The following PPA1 variants were observed in gnomAD, a reference collection of about 807,000 sequenced individuals.
The protein encoded by PPA1 is inorganic pyrophosphatase 1, also known as inorganic pyrophosphatase.
In PPA1, 23 loss-of-function variants were observed where a neutral mutation model predicts 41.8. The ratio of observed to expected loss-of-function variants is 0.55; its 90% confidence interval spans 0.40 to 0.78. PPA1 has a LOEUF of 0.78. PPA1 is among the 30% of genes least tolerant of loss of function. The pLI is 0.00. For missense variants in PPA1, 320 were observed against 361.6 expected (o/e 0.89, Z 0.93); for synonymous variants, 101 against 116.8 (o/e 0.86, Z 0.87).
intron 8 of PPA1, among the ~76,000 whole-genome samples, chr10:70,208,401 C>A (rs1231592947): frequency 6.6e-6 from 1 of 151,778 alleles, no homozygotes; most frequent in African/African-American, 2.4e-5. Context: ...TGCAGTGGGG[C>A]AATCACAGCT....
intron 4 of PPA1, 105 bp from the exon 5 acceptor site, chr10:70,214,691 ATTGT>A (rs1840059521): frequency 1.0e-5 from 9 of 865,280 alleles, no homozygotes; most frequent in South Asian, 1.9e-5. Context: ...CTTTTTTCTC[ATTGT>A]TTTAGTTCTT....
chr10:70,204,815 A>G (rs1839919096), intron 10 of PPA1, 58 bp downstream of exon 10: 6 of 1,340,702 alleles, frequency 4.5e-6, no homozygotes, highest in Non-Finnish European at 6.2e-6. Context: ...TAAAAGTAAC[A>G]TAATTTTTCC....
At chr10:70,209,064 A>C in intron 8 of PPA1, 141 bp downstream of exon 8, 1 of 552,268 alleles carries the variant, frequency 1.8e-6, no homozygotes, top group Non-Finnish European at 3.1e-6. Context: ...AAAGTGCTGG[A>C]ATGACAGGTG....
chr10:70,212,700 G>A (rs1238133412), intron 6 of PPA1, among the ~76,000 whole-genome samples: 1 of 152,086 alleles, frequency 6.6e-6, no homozygotes, highest in Non-Finnish European at 1.5e-5. Context: ...TGGAGAGGAG[G>A]AGGGAATAGG....
rs908305192 is a variant in PPA1 at position 70,233,392 on chromosome 10, A to G, written c.-65T>C. 10 of 1,520,488 alleles carry G rather than the reference A, an allele frequency of 6.6e-6. No individual in the cohort carries two copies. Among genetic ancestry groups the G allele is most frequent in the African/African-American group, 2.8e-5 (2 of 70,596 alleles). The allele number at this position is 1,520,488 out of a possible 1,614,324, so 94.2% of individuals were successfully genotyped here. A position where few individuals can be genotyped will look rare whatever the true frequency, so the allele number is the denominator to read the frequency against. On this transcript the variant is annotated 5_prime_UTR_variant, in exon 1 of 11. Coordinates refer to ENST00000373232, the MANE Select transcript of PPA1 (RefSeq NM_021129.4). The stretch of plus-strand genomic sequence containing the variant: ...CAGCCCGCACGCGGCGCCGACTGAC[A>G]AGGAGAGAGCCCCACGCCTGCGCAC...
intron 2 of PPA1, among the ~76,000 whole-genome samples, chr10:70,225,766 T>C (rs1265510898): frequency 2.6e-5 from 4 of 152,020 alleles, no homozygotes; most frequent in Non-Finnish European, 5.9e-5. Context: ...CGAAAAGGTA[T>C]ACCAGATTTC....
chr10:70,220,777 T>TTTTTATATATATA (rs1840142788), intron 2 of PPA1, among the ~76,000 whole-genome samples: 1 of 30,532 alleles, frequency 3.3e-5, no homozygotes, highest in Non-Finnish European at 5.0e-5. Context: ...ATATATATAA[T>TTTTTATATATATA]ATATATAATT....
chr10:70,220,837 TTA>T (rs1287113475), intron 2 of PPA1, among the ~76,000 whole-genome samples: 3 of 50,112 alleles, frequency 6.0e-5, no homozygotes, highest in Non-Finnish European at 9.8e-5. Flanking sequence ...TATATAATTT[TTA>T]TATATATTAT....
intron 2 of PPA1, among the ~76,000 whole-genome samples, chr10:70,220,177 G>A (rs932482899): frequency 1.3e-5 from 2 of 151,180 alleles, no homozygotes; most frequent in Non-Finnish European, 2.9e-5. Flanking sequence ...TGATCCACCC[G>A]CCTCAGCCTC....
chr10:70,206,306 G>A lies in PPA1; in HGVS notation c.753C>T (p.Pro251=), dbSNP rs368512695. The A allele has an allele frequency of 5.1e-5, 82 of 1,613,030 alleles. No homozygotes were observed. The highest frequency in any genetic ancestry group is 6.9e-5 in the Non-Finnish European group (81 of 1,179,312). The change falls in exon 9 of 11, where the codon CCC becomes CCT. Residue 251 remains proline (P), a synonymous_variant. Coordinates refer to ENST00000373232, the MANE Select transcript of PPA1 (RefSeq NM_021129.4). ...SCMNTTLSES[P]FKCDPDAARA... is the part of the protein sequence containing the mutation. ...TGGCAGCATCAGGATCACACTTGAA[G>A]GGGCTCTCAGACAAAGTTGTATTCA... is the stretch of plus-strand genomic sequence containing the variant.
At position 70,233,368 on chromosome 10, in the gene PPA1, A is replaced by G. The variant is rs1418695504; in HGVS notation, c.-41T>C. Reference sequence around the variant, plus strand: ...CCGCCGCCGCTGCCACAGAGCCACCAGCCCGCACGCGGCGCCGACTGACAA... The same window carrying G: ...CCGCCGCCGCTGCCACAGAGCCACCGGCCCGCACGCGGCGCCGACTGACAA... On this transcript the variant is annotated 5_prime_UTR_variant, in exon 1 of 11. Coordinates refer to ENST00000373232, the MANE Select transcript of PPA1 (RefSeq NM_021129.4). 1.4e-5 allele frequency: 22 copies of G among 1,528,438 alleles called. No individual in the cohort carries two copies. Among genetic ancestry groups the G allele is most frequent in the Non-Finnish European group, 1.8e-5 (20 of 1,140,828 alleles). 94.7% of individuals were successfully genotyped at this position (1,528,438 alleles called of 1,614,324 possible).
At chr10:70,227,281 G>A (rs1285505501) in intron 2 of PPA1, among the ~76,000 whole-genome samples, 5 of 152,182 alleles carry the variant, frequency 3.3e-5, no homozygotes, top group Non-Finnish European at 7.3e-5. Context: ...CAGGGTACGC[G>A]AGTCACAAGA....
intron 1 of PPA1, 66 bp from the exon 2 acceptor site, chr10:70,230,465 A>ATT: frequency 1.6e-5 from 21 of 1,273,530 alleles, no homozygotes; most frequent in East Asian, 8.9e-5. Context: ...CACAGTACAC[A>ATT]TTTTTTTTTT....
intron 6 of PPA1, among the ~76,000 whole-genome samples, chr10:70,211,552 G>C (rs1840019789): frequency 6.6e-6 from 1 of 152,106 alleles, no homozygotes; most frequent in Admixed American, 6.6e-5. Context: ...ATACAACTCA[G>C]GGACAGCAAA....
chr10:70,220,171 C>T (rs1463548646), intron 2 of PPA1, among the ~76,000 whole-genome samples: 2 of 151,764 alleles, frequency 1.3e-5, no homozygotes, highest in African/African-American at 4.8e-5. Flanking sequence ...CTCAGGTGAT[C>T]CACCCGCCTC....
At chr10:70,211,187 A>G (rs917545497) in intron 6 of PPA1, among the ~76,000 whole-genome samples, 1 of 152,222 alleles carries the variant, frequency 6.6e-6, no homozygotes, top group Non-Finnish European at 1.5e-5. Flanking sequence ...ATTTCAAAGA[A>G]CTTATAATTT....
intron 6 of PPA1, among the ~76,000 whole-genome samples, chr10:70,212,995 C>T (rs991016877): frequency 1.3e-5 from 2 of 152,110 alleles, no homozygotes; most frequent in Non-Finnish European, 2.9e-5. Context: ...GATCTGCAGT[C>T]ATCAGGGACT....
At chr10:70,222,207 G>A (rs532357211) in intron 2 of PPA1, among the ~76,000 whole-genome samples, 1 of 151,854 alleles carries the variant, frequency 6.6e-6, no homozygotes, top group East Asian at 1.9e-4. Flanking sequence ...GTGGTGGCAG[G>A]TGCCTGTAGT....
intron 2 of PPA1, among the ~76,000 whole-genome samples, chr10:70,223,511 TGCCCAGCTCTGTACTTG>T (rs1486609403): frequency 1.3e-5 from 2 of 152,156 alleles, no homozygotes; most frequent in African/African-American, 4.8e-5. Flanking sequence ...CAAGCCATCC[TGCCCAGCTCTGTACTTG>T]TAAGGAGGGG....
Sources: allele counts gnomAD v4.1 joint callset (sites outside exome capture counted in the v4.1 genomes callset), GRCh38; gene constraint gnomAD v4.1.1; transcripts MANE v1.5; gene names NCBI Gene and HGNC (gene_info 2026-07-23, HGNC 2026-07-21).